Variants in MYO16 observed in about 807,000 individuals in gnomAD.
MYO16 encodes the protein myosin XVI, also known as unconventional myosin-XVI.
In MYO16, 94 loss-of-function variants were observed where a neutral mutation model predicts 205.3. The ratio of observed to expected loss-of-function variants is 0.46; its 90% confidence interval spans 0.39 to 0.54. MYO16 has a LOEUF of 0.54. Among genes scored for constraint, MYO16 ranks in the 20% least tolerant of loss-of-function variants. MYO16 has a pLI of 0.00. For synonymous variants in MYO16, 988 were observed against 954.0 expected, an observed-to-expected ratio of 1.04 and a Z score of -0.66; for missense variants, 2,315 against 2,387.5, an observed-to-expected ratio of 0.97 and a Z score of 0.63.
At chr13:108,873,981 C>A (rs1472394899) in intron 12 of MYO16, among the ~76,000 whole-genome samples, 2 of 152,220 alleles carry the variant, frequency 1.3e-5, no homozygotes, top group Admixed American at 1.3e-4. Context: ...CATCATCAAG[C>A]CAACAAACAT....
chr13:108,604,465 T>C (rs1000000332), intron 1 of MYO16, among the ~76,000 whole-genome samples: 1 of 152,178 alleles, frequency 6.6e-6, no homozygotes, highest in African/African-American at 2.4e-5. Context: ...ATGAAAATCA[T>C]AGTGAGTGAA....
intron 4 of MYO16, among the ~76,000 whole-genome samples, chr13:108,745,724 G>A (rs1290651806): frequency 6.6e-6 from 1 of 152,122 alleles, no homozygotes; most frequent in Admixed American, 6.5e-5. Flanking sequence ...AGATATGACA[G>A]ATATTAAAAT....
intron 4 of MYO16, among the ~76,000 whole-genome samples, chr13:108,753,748 T>A (rs1885328521): frequency 6.6e-6 from 1 of 152,246 alleles, no homozygotes; most frequent in South Asian, 2.1e-4. Context: ...GCCATCAGAA[T>A]GAACTTATAA....
the MYO16 span, among the ~76,000 whole-genome samples, chr13:108,580,455 G>A: frequency 2.0e-5 from 3 of 152,150 alleles, no homozygotes; most frequent in African/African-American, 7.2e-5. Flanking sequence ...TGTTTACAAA[G>A]CATTAATTTT....
chr13:108,773,243 G>T (rs1886025055), intron 4 of MYO16, among the ~76,000 whole-genome samples: 1 of 152,200 alleles, frequency 6.6e-6, no homozygotes, highest in Admixed American at 6.5e-5. Context: ...ATTTGGGGCA[G>T]TATCTCTATA....
chr13:108,827,128 A>AG (rs1303685128), intron 9 of MYO16, among the ~76,000 whole-genome samples: 8 of 152,176 alleles, frequency 5.3e-5, no homozygotes, highest in Admixed American at 5.2e-4. Context: ...ACAATAAAAA[A>AG]GGGGGAACAA....
At chr13:108,791,869 G>C (rs1594296870) in intron 5 of MYO16, among the ~76,000 whole-genome samples, 2 of 152,180 alleles carry the variant, frequency 1.3e-5, no homozygotes, top group South Asian at 4.1e-4. Context: ...GTCATGTTCA[G>C]GAGCATCAAT....
At chr13:108,851,129 C>A (rs903072444) in intron 10 of MYO16, among the ~76,000 whole-genome samples, 3 of 152,120 alleles carry the variant, frequency 2.0e-5, no homozygotes, top group Non-Finnish European at 2.9e-5. Flanking sequence ...CTTGATTTTC[C>A]TCTTTTTATG....
chr13:108,576,838 T>A, the MYO16 span, among the ~76,000 whole-genome samples: 1 of 152,162 alleles, frequency 6.6e-6, no homozygotes, highest in Non-Finnish European at 1.5e-5. Context: ...CACGGTTCAC[T>A]GCAGCCCCAA....
chr13:109,082,910 A>G (rs1483563752), intron 27 of MYO16, among the ~76,000 whole-genome samples: 1 of 152,214 alleles, frequency 6.6e-6, no homozygotes, highest in Non-Finnish European at 1.5e-5. Flanking sequence ...CTAAGATTAT[A>G]TGCGTATGAA....
At chr13:108,873,597 G>A (rs1879175074) in intron 12 of MYO16, among the ~76,000 whole-genome samples, 4 of 152,194 alleles carry the variant, frequency 2.6e-5, no homozygotes, top group Admixed American at 2.6e-4. Flanking sequence ...AACCGGGACA[G>A]GGTCCATGCC....
intron 23 of MYO16, among the ~76,000 whole-genome samples, chr13:109,045,977 C>T (rs1887028454): frequency 1.3e-5 from 2 of 151,658 alleles, no homozygotes; most frequent in South Asian, 4.2e-4. Flanking sequence ...CTCCCTCAGG[C>T]GAGGAGGCAA....
the MYO16 span, among the ~76,000 whole-genome samples, chr13:108,527,549 T>C: frequency 1.3e-5 from 2 of 152,294 alleles, no homozygotes; most frequent in Non-Finnish European, 2.9e-5. Context: ...CTTATAATTT[T>C]CTCTTTCTAT....
rs150588864 is a variant in MYO16, at chr13:109,099,328, G to A, written c.3336-1457G>A. On this transcript the variant is annotated intron_variant, in intron 27 of 34. Coordinates refer to ENST00000457511, the MANE Select transcript of MYO16 (RefSeq NM_001198950.3). ...ATAAACAGCAAGTAATAAGTCATTC[G>A]CAAAAAACATAAAGCAAGAAATGCA... is the stretch of plus-strand genomic sequence containing the variant. Among the ~76,000 whole-genome samples, 296 of 152,154 alleles carry A rather than the reference G, an allele frequency of 1.9e-3. 1 individual carries two copies. The highest frequency in any genetic ancestry group is 3.5e-3 in the Non-Finnish European group (235 of 68,006).
intron 4 of MYO16, among the ~76,000 whole-genome samples, chr13:108,758,293 T>G (rs2139650980): frequency 6.6e-6 from 1 of 152,344 alleles, no homozygotes; most frequent in Non-Finnish European, 1.5e-5. Flanking sequence ...GTTCAAATTG[T>G]ATTTTTTAAA....
intron 24 of MYO16, among the ~76,000 whole-genome samples, chr13:109,047,451 T>C (rs1193383934): frequency 6.6e-6 from 1 of 151,928 alleles, no homozygotes; most frequent in Admixed American, 6.6e-5. Context: ...ATAGAAGGAG[T>C]ATATATATGT....
At chr13:108,952,841 G>A (rs1229316604) in intron 16 of MYO16, among the ~76,000 whole-genome samples, 8 of 152,144 alleles carry the variant, frequency 5.3e-5, no homozygotes, top group Non-Finnish European at 8.8e-5. Flanking sequence ...TTGACTCATA[G>A]AAGAATAATA....
At chr13:108,659,255 G>GATAT (rs5806749) in intron 1 of MYO16, 1 of 163,410 alleles carries the variant, frequency 6.1e-6, no homozygotes, top group East Asian at 1.7e-4. Flanking sequence ...TGATATATAT[G>GATAT]ATATATATAT....
At chr13:109,059,037 C>T (rs899279818) in intron 27 of MYO16, among the ~76,000 whole-genome samples, 2 of 152,178 alleles carry the variant, frequency 1.3e-5, no homozygotes, top group Admixed American at 1.3e-4. Flanking sequence ...AGTTCAGTCA[C>T]ATCTCCAGGC....
Sources: allele counts gnomAD v4.1 joint callset (sites outside exome capture counted in the v4.1 genomes callset), GRCh38; gene constraint gnomAD v4.1.1; transcripts MANE v1.5; gene names NCBI Gene and HGNC (gene_info 2026-07-23, HGNC 2026-07-21).